AFF3: variants seen among roughly 807,000 people sequenced by gnomAD.
AFF3 encodes the protein AF4/FMR2 family member 3.
A neutral mutation model predicts 129.7 loss-of-function variants in AFF3; 32 were observed. That is an observed-to-expected ratio of 0.25 (90% CI 0.19 to 0.33). AFF3 has a LOEUF of 0.33. AFF3 is among the 10% of genes least tolerant of loss of function. The pLI is 1.00. For synonymous variants in AFF3, 644 were observed against 635.4 expected (o/e 1.01, Z -0.20); for missense variants, 1,373 against 1,592.0 (o/e 0.86, Z 2.34).
intron 12 of AFF3, among the ~76,000 whole-genome samples, chr2:99,653,041 C>A (rs971309698): frequency 6.6e-6 from 1 of 152,206 alleles, no homozygotes; most frequent in Admixed American, 6.5e-5. Flanking sequence ...CAGCGCAGAG[C>A]ATGCTGATAA....
At chr2:99,559,707 A>G (rs1241937101) in intron 21 of AFF3, among the ~76,000 whole-genome samples, 1 of 152,250 alleles carries the variant, frequency 6.6e-6, no homozygotes, top group African/African-American at 2.4e-5. Flanking sequence ...GCTGACATCC[A>G]GAATACCAAC....
intron 7 of AFF3, among the ~76,000 whole-genome samples, chr2:99,912,922 CA>C (rs1449084487): frequency 6.6e-6 from 1 of 152,152 alleles, no homozygotes; most frequent in Non-Finnish European, 1.5e-5. Flanking sequence ...TTTACAGAGA[CA>C]CACACTAAGT....
intron 10 of AFF3, among the ~76,000 whole-genome samples, chr2:99,735,869 T>C (rs544862396): frequency 2.5e-4 from 38 of 152,336 alleles, no homozygotes; most frequent in African/African-American, 8.9e-4. Context: ...TAATATTAGG[T>C]ATTTCTATTA....
chr2:99,708,817 A>T (rs1025834129), intron 11 of AFF3, among the ~76,000 whole-genome samples: 1 of 152,192 alleles, frequency 6.6e-6, no homozygotes, highest in Non-Finnish European at 1.5e-5. Flanking sequence ...ATTTCTGAAC[A>T]TCTAAAGAAA....
At chr2:99,610,378 T>C (rs1348949170) in intron 13 of AFF3, among the ~76,000 whole-genome samples, 3 of 152,240 alleles carry the variant, frequency 2.0e-5, no homozygotes, top group South Asian at 2.1e-4. Flanking sequence ...CAGAATCACA[T>C]AGTTATGTGT....
At chr2:100,104,704 G>C (rs868025820) in intron 3 of AFF3, 186 bp from the exon 4 acceptor site, 5 of 967,766 alleles carry the variant, frequency 5.2e-6, no homozygotes, top group Non-Finnish European at 4.9e-6. Context: ...ACTCAAGAGA[G>C]AGCAGCGAGC....
chr2:99,924,053 T>C, intron 7 of AFF3, among the ~76,000 whole-genome samples: 1 of 152,078 alleles, frequency 6.6e-6, no homozygotes, highest in Admixed American at 6.6e-5. Flanking sequence ...GCCTGCTAGA[T>C]ATGACCCTCA....
intron 13 of AFF3, among the ~76,000 whole-genome samples, chr2:99,614,867 C>T (rs1681262797): frequency 6.6e-6 from 1 of 152,098 alleles, no homozygotes; most frequent in South Asian, 2.1e-4. Context: ...TATTGGGAAC[C>T]AAGTTTTACT....
chr2:100,018,012 A>G (rs111412653), intron 4 of AFF3, among the ~76,000 whole-genome samples: 4 of 148,102 alleles, frequency 2.7e-5, no homozygotes, highest in Non-Finnish European at 3.0e-5. Context: ...CTTGGTTGAT[A>G]TGTGTGTGTG....
chr2:99,720,105 A>G (rs1678759960), intron 11 of AFF3, among the ~76,000 whole-genome samples: 1 of 152,208 alleles, frequency 6.6e-6, no homozygotes, highest in African/African-American at 2.4e-5. Context: ...GGCAGTCTTA[A>G]TTTTGTAGCT....
intron 11 of AFF3, among the ~76,000 whole-genome samples, chr2:99,696,941 T>C (rs906778544): frequency 6.6e-6 from 1 of 152,216 alleles, no homozygotes; most frequent in Non-Finnish European, 1.5e-5. Flanking sequence ...CCAGCATGCC[T>C]GGCCTGATGA....
chr2:100,119,542 T>G (rs1691867455), intron 2 of AFF3, among the ~76,000 whole-genome samples: 1 of 152,232 alleles, frequency 6.6e-6, no homozygotes, highest in South Asian at 2.1e-4. Context: ...TTGGCCGACT[T>G]TGCAAAACAA....
chr2:99,670,619 C>T (rs1184761420), intron 12 of AFF3, among the ~76,000 whole-genome samples: 1 of 151,964 alleles, frequency 6.6e-6, no homozygotes, highest in Non-Finnish European at 1.5e-5. Context: ...GAAAAAAATA[C>T]CATATCATTA....
chr2:99,925,055 T>C (rs1696127768), intron 7 of AFF3, among the ~76,000 whole-genome samples: 1 of 151,972 alleles, frequency 6.6e-6, no homozygotes, highest in Non-Finnish European at 1.5e-5. Context: ...TTTTACATTT[T>C]TTTGTAGAGA....
At chr2:99,858,476 A>C (rs955102886) in intron 7 of AFF3, among the ~76,000 whole-genome samples, 7 of 151,876 alleles carry the variant, frequency 4.6e-5, no homozygotes, top group African/African-American at 1.4e-4. Context: ...GCCTAAGCCC[A>C]GGAGGTCGAG....
intron 4 of AFF3, among the ~76,000 whole-genome samples, chr2:100,061,234 G>C (rs950386083): frequency 1.3e-5 from 2 of 152,144 alleles, no homozygotes; most frequent in African/African-American, 4.8e-5. Context: ...CCATGCTGTA[G>C]GAATGAGGAG....
intron 2 of AFF3, among the ~76,000 whole-genome samples, chr2:100,111,342 A>G (rs1691505059): frequency 6.6e-6 from 1 of 152,274 alleles, no homozygotes; most frequent in South Asian, 2.1e-4. Context: ...AGTGTGATTT[A>G]CAAAAACCTG....
chr2:99,778,895 CGCGTGTGTGTGTGTGTGTGT>C (rs1684162667), intron 8 of AFF3, among the ~76,000 whole-genome samples: 1 of 137,132 alleles, frequency 7.3e-6, no homozygotes, highest in African/African-American at 3.1e-5. Context: ...TGTGTGTGTG[CGCGTGTGTGTGTGTGTGTGT>C]GTGTGTGTGT....
intron 8 of AFF3, among the ~76,000 whole-genome samples, chr2:99,789,845 A>C (rs1685075811): frequency 6.6e-6 from 1 of 152,240 alleles, no homozygotes; most frequent in Admixed American, 6.5e-5. Context: ...AAGCTCTGCA[A>C]ATTAAAAGAT....
Sources: gnomAD v4.1 joint callset for allele counts (sites outside exome capture counted in the v4.1 genomes callset) on GRCh38, gnomAD v4.1.1 for gene constraint, MANE v1.5 for transcripts, NCBI Gene and HGNC (gene_info 2026-07-23, HGNC 2026-07-21) for gene names.